Variants in EVL observed in about 807,000 individuals in gnomAD.
EVL encodes ena/VASP-like protein.
A neutral mutation model predicts 59.6 loss-of-function variants in EVL; 21 were observed. The ratio of observed to expected loss-of-function variants is 0.35; its 90% CI spans 0.25 to 0.51. EVL has a LOEUF of 0.51. Ranked by LOEUF, EVL falls within the 20% of genes least tolerant of loss-of-function variation. EVL has a pLI of 0.97. For missense variants in EVL, 462 were observed against 546.6 expected (o/e 0.85, Z 1.54); for synonymous variants, 198 against 203.5 (o/e 0.97, Z 0.23).
In EVL at chr14:100,097,353, C is replaced by T; in HGVS notation, c.181-128C>T. The stretch of plus-strand genomic sequence containing the variant: ...GAAAGTCTACCTGATATTGCTTTTC[C>T]CTTCTTCAAACCCCATCCCCATCTT... On this transcript the variant is annotated intron_variant, in intron 2 of 13. Coordinates refer to ENST00000392920, the MANE Select transcript of EVL (RefSeq NM_016337.3). 4 of 792,036 alleles carry T rather than the reference C, an allele frequency of 5.1e-6. No individual in the cohort carries two copies. The South Asian group carries it at 5.7e-5, about 11-fold the overall frequency. 49.1% of individuals were successfully genotyped at this position (792,036 alleles called of 1,614,324 possible). A position where few individuals can be genotyped will look rare whatever the true frequency, so the allele number is the denominator to read the frequency against.
intron 1 of EVL, among the ~76,000 whole-genome samples, chr14:99,976,539 A>G (rs1339281796): frequency 6.7e-6 from 1 of 150,302 alleles, no homozygotes; most frequent in Non-Finnish European, 1.5e-5. Flanking sequence ...TTATGTGCCT[A>G]GTGTTTTTTT....
chr14:100,124,090 T>G (rs1183035073), intron 4 of EVL, among the ~76,000 whole-genome samples: 2 of 152,198 alleles, frequency 1.3e-5, no homozygotes, highest in East Asian at 3.9e-4. Flanking sequence ...GTCCCGAAAT[T>G]ACAGAGTCGT....
At chr14:100,085,893 C>G (rs953410647) in intron 2 of EVL, among the ~76,000 whole-genome samples, 1 of 152,084 alleles carries the variant, frequency 6.6e-6, no homozygotes, top group Admixed American at 6.6e-5. Context: ...TTTGGGAGGC[C>G]AAGGCGGGTG....
At chr14:100,042,066 AT>A (rs920295421) in intron 1 of EVL, among the ~76,000 whole-genome samples, 10 of 152,222 alleles carry the variant, frequency 6.6e-5, no homozygotes, top group African/African-American at 2.4e-4. Flanking sequence ...AATTTAAAAA[AT>A]ATATGTGTTT....
intron 1 of EVL, among the ~76,000 whole-genome samples, chr14:100,049,114 A>G (rs1028896812): frequency 6.6e-6 from 1 of 152,262 alleles, no homozygotes; most frequent in African/African-American, 2.4e-5. Flanking sequence ...AACTCCAGTA[A>G]TTTAAGTGGT....
intron 3 of EVL, among the ~76,000 whole-genome samples, chr14:100,110,620 G>A (rs1046988463): frequency 2.0e-5 from 3 of 152,148 alleles, no homozygotes; most frequent in Non-Finnish European, 4.4e-5. Context: ...CTGAGAAGAG[G>A]CTCTGTCTGA....
chr14:99,987,391 T>C (rs1320775583), intron 1 of EVL, among the ~76,000 whole-genome samples: 20 of 151,980 alleles, frequency 1.3e-4, no homozygotes, highest in African/African-American at 4.8e-4. Flanking sequence ...CCTGTAATCC[T>C]AGCACTTTGG....
intron 1 of EVL, among the ~76,000 whole-genome samples, chr14:100,021,199 C>T (rs986089923): frequency 6.6e-6 from 1 of 152,192 alleles, no homozygotes; most frequent in Non-Finnish European, 1.5e-5. Context: ...CCTTTCATTA[C>T]GTTTCATGGT....
chr14:99,992,379 AT>A (rs1051029842), intron 1 of EVL, among the ~76,000 whole-genome samples: 1 of 150,948 alleles, frequency 6.6e-6, no homozygotes, highest in African/African-American at 2.4e-5. Flanking sequence ...ATTTGCAAAT[AT>A]TTTTTCCCAC....
intron 4 of EVL, among the ~76,000 whole-genome samples, chr14:100,125,614 G>A (rs924955018): frequency 1.3e-5 from 2 of 151,040 alleles, no homozygotes; most frequent in East Asian, 2.0e-4. Context: ...GGAGTGTAGT[G>A]ACGCAATCTT....
intron 1 of EVL, among the ~76,000 whole-genome samples, chr14:100,051,016 G>T (rs1457447434): frequency 3.9e-5 from 6 of 151,924 alleles, no homozygotes; most frequent in African/African-American, 1.5e-4. Context: ...CAAAGTTCTG[G>T]GATTACAGGT....
chr14:100,016,792 A>G (rs534492282), intron 1 of EVL, among the ~76,000 whole-genome samples: 58 of 152,320 alleles, frequency 3.8e-4, no homozygotes, highest in Non-Finnish European at 5.0e-4. Context: ...TTGGACCCCA[A>G]TGCCATGTCA....
At chr14:100,019,534 T>C in intron 1 of EVL, 1 of 741,182 alleles carries the variant, frequency 1.3e-6, no homozygotes. Context: ...AGCCTTTTAC[T>C]TCAGAATATT....
At chr14:100,054,236 G>C (rs1052810232) in intron 1 of EVL, among the ~76,000 whole-genome samples, 1 of 151,666 alleles carries the variant, frequency 6.6e-6, no homozygotes, top group Admixed American at 6.6e-5. Context: ...TGTATTTTTA[G>C]CAGAGATGGG....
intron 1 of EVL, among the ~76,000 whole-genome samples, chr14:99,976,180 TTTTATTTATTTATTTA>T (rs141612796): frequency 3.0e-4 from 44 of 145,848 alleles, no homozygotes; most frequent in African/African-American, 5.4e-4. Context: ...CATGGCCAGC[TTTTATTTATTTATTTA>T]TTTATTTATT....
At chr14:100,073,842 A>T (rs576903034) in intron 1 of EVL, among the ~76,000 whole-genome samples, 39 of 152,320 alleles carry the variant, frequency 2.6e-4, no homozygotes, top group African/African-American at 7.5e-4. Context: ...ACACTACTTT[A>T]AAAACCAAAC....
intron 1 of EVL, among the ~76,000 whole-genome samples, chr14:100,057,587 C>T (rs1389908882): frequency 6.6e-6 from 1 of 152,112 alleles, no homozygotes; most frequent in Non-Finnish European, 1.5e-5. Flanking sequence ...CAGGCTTAGG[C>T]AGGCCCTATC....
In EVL at chr14:100,124,329, C is replaced by T. The variant is rs577483485; in HGVS notation, c.422+727C>T. ...GCCCTGGACTAGGAGTCAGGAAAGC[C>T]GGCTTCTGCCCCCACCTACCCCTCT... On this transcript the variant is annotated intron_variant, in intron 4 of 13. Coordinates refer to ENST00000392920, the MANE Select transcript of EVL (RefSeq NM_016337.3). Among the ~76,000 whole-genome samples the T allele has an allele frequency of 1.9e-4, 29 of 152,326 alleles. No individual in the cohort carries two copies. In the South Asian group the frequency reaches 5.6e-3, roughly 29 times the overall value.
intron 1 of EVL, among the ~76,000 whole-genome samples, chr14:99,999,378 G>A (rs1268200809): frequency 6.6e-6 from 1 of 152,172 alleles, no homozygotes; most frequent in East Asian, 1.9e-4. Flanking sequence ...CTGTCCCTCA[G>A]GTTCCTCATT....
Sources: allele counts gnomAD v4.1 joint callset (sites outside exome capture counted in the v4.1 genomes callset), GRCh38; gene constraint gnomAD v4.1.1; transcripts MANE v1.5; gene names NCBI Gene and HGNC (gene_info 2026-07-23, HGNC 2026-07-21).